The following SORL1 variants were observed in gnomAD, a reference collection of about 807,000 sequenced individuals.
SORL1 encodes sortilin related receptor 1.
SORL1 carries 127 observed loss-of-function variants against 273.7 expected under a neutral mutation model. The ratio of observed to expected loss-of-function variants is 0.46; its 90% CI spans 0.40 to 0.54. The LOEUF is 0.54. SORL1 is among the 20% of genes least tolerant of loss of function. SORL1 has a pLI of 0.00. For missense variants in SORL1, 2,494 were observed against 2,846.1 expected (o/e 0.88, Z 2.81); for synonymous variants, 1,031 against 1,067.4 (o/e 0.97, Z 0.66).
rs181080019 is a variant in SORL1 at position 121,544,157 on chromosome 11, C to T, written c.1864+431C>T. On this transcript the variant is annotated intron_variant, in intron 13 of 47. Transcript: ENST00000260197. Reference sequence around the variant, plus strand: ...GATCTGCTAATCTAGATACAGGATGCATAAGTATGCAGGGAGAAGTGAAAC... The same window carrying T: ...GATCTGCTAATCTAGATACAGGATGTATAAGTATGCAGGGAGAAGTGAAAC... Among the ~76,000 whole-genome samples, 28 of 152,224 alleles carry T rather than the reference C, an allele frequency of 1.8e-4. 1 individual carries two copies. The highest frequency in any genetic ancestry group is 1.6e-3 in the Admixed American group (25 of 15,286).
chr11:121,457,919 A>G (rs1258576127), intron 1 of SORL1, among the ~76,000 whole-genome samples: 2 of 152,266 alleles, frequency 1.3e-5, no homozygotes, highest in African/African-American at 4.8e-5. Context: ...CCTTATAGCA[A>G]CGAACATCCC....
intron 18 of SORL1, 96 bp downstream of exon 18, chr11:121,555,414 G>A: frequency 2.1e-6 from 3 of 1,461,632 alleles, no homozygotes. Context: ...CAGTGTGTCA[G>A]ATTACTCAGG....
intron 6 of SORL1, among the ~76,000 whole-genome samples, chr11:121,507,293 G>A (rs1379913753): frequency 6.6e-6 from 1 of 152,090 alleles, no homozygotes; most frequent in Non-Finnish European, 1.5e-5. Flanking sequence ...GGAATTCATT[G>A]AGCTGACTGG....
At chr11:121,482,357 G>C (rs1050703129) in intron 3 of SORL1, among the ~76,000 whole-genome samples, 1 of 152,174 alleles carries the variant, frequency 6.6e-6, no homozygotes, top group African/African-American at 2.4e-5. Context: ...GATTCTCATG[G>C]GTGGATATTC....
intron 11 of SORL1, among the ~76,000 whole-genome samples, chr11:121,529,447 C>T (rs908594028): frequency 6.6e-5 from 10 of 152,174 alleles, no homozygotes; most frequent in African/African-American, 2.4e-4. Flanking sequence ...GAACTCCTGA[C>T]CTCAAGTGAT....
chr11:121,543,739 C>T lies in SORL1; in HGVS notation c.1864+13C>T. The T allele has an allele frequency of 6.2e-7, 1 of 1,606,096 alleles. No homozygotes were observed. The highest frequency in any genetic ancestry group is 1.3e-5 in the African/African-American group (1 of 74,920). On this transcript the variant is annotated intron_variant, in intron 13 of 47. Transcript: ENST00000260197. Reference sequence around the variant, plus strand: ...ACGGATGCCTTGGGTAAGCTGCTGCCTCCTTGGACCTTTTCACATGGATAT... The same window carrying T: ...ACGGATGCCTTGGGTAAGCTGCTGCTTCCTTGGACCTTTTCACATGGATAT...
At chr11:121,456,964 GT>G (rs1179223236) in intron 1 of SORL1, among the ~76,000 whole-genome samples, 2 of 152,216 alleles carry the variant, frequency 1.3e-5, no homozygotes, top group Non-Finnish European at 2.9e-5. Context: ...AAGTTAGGAT[GT>G]TTGACCTGTG....
intron 1 of SORL1, among the ~76,000 whole-genome samples, chr11:121,468,055 C>G (rs117985786): frequency 7.9e-4 from 121 of 152,324 alleles, no homozygotes; most frequent in Middle Eastern, 3.4e-3. Context: ...ACAGGTGTTT[C>G]TCTTTTCCCT....
chr11:121,520,259 CA>C (rs201535134), intron 8 of SORL1, among the ~76,000 whole-genome samples: 36 of 149,406 alleles, frequency 2.4e-4, no homozygotes, highest in Middle Eastern at 3.4e-3. Flanking sequence ...AGACTGTCTC[CA>C]AAAAAAAAGG....
intron 1 of SORL1, among the ~76,000 whole-genome samples, chr11:121,465,584 G>A (rs1242082397): frequency 6.6e-6 from 1 of 151,836 alleles, no homozygotes; most frequent in East Asian, 1.9e-4. Context: ...CTGGAGTGCA[G>A]TGGCATGATC....
At position 121,617,868 on chromosome 11, in the gene SORL1, G is replaced by A. The variant is rs1469765417; in HGVS notation, c.5605-906G>A. On this transcript the variant is annotated intron_variant, in intron 41 of 47. Transcript: ENST00000260197. Reference sequence around the variant, plus strand: ...TAGAGCAGAGGAAGTGACAGTAACAGTGGCTTCGAACAGTTTATTTCCTCT... The same window carrying A: ...TAGAGCAGAGGAAGTGACAGTAACAATGGCTTCGAACAGTTTATTTCCTCT... 2.0e-5 allele frequency among the ~76,000 whole-genome samples: 3 copies of A among 152,212 alleles called. No individual in the cohort carries two copies. In the East Asian group the frequency reaches 5.8e-4, roughly 29 times the overall value.
chr11:121,605,051 G>A (rs1411114628), intron 33 of SORL1, 62 bp from the exon 34 acceptor site: 25 of 1,497,746 alleles, frequency 1.7e-5, no homozygotes, highest in Middle Eastern at 2.0e-4. Flanking sequence ...GATTACAGGC[G>A]TGAGCCACCA....
rs1211301118 is a variant in SORL1, at chr11:121,464,778, C to T, written c.286-5229C>T. 2.0e-5 allele frequency among the ~76,000 whole-genome samples: 3 copies of T among 152,144 alleles called. No homozygotes were observed. In the East Asian group the frequency reaches 5.8e-4, roughly 29 times the overall value. On this transcript the variant is annotated intron_variant, in intron 1 of 47. Transcript: ENST00000260197. ...GTTTCTCCAGCTGGGGACAGGGAGG[C>T]CTGTGCGGATGCTGTGGCTCTGCAG...
At chr11:121,594,045 A>G (rs1334459404) in intron 31 of SORL1, among the ~76,000 whole-genome samples, 1 of 151,914 alleles carries the variant, frequency 6.6e-6, no homozygotes. Context: ...ATTTTCCTTC[A>G]GAGTTTTGAA....
intron 41 of SORL1, 60 bp downstream of exon 41, chr11:121,615,115 A>G: frequency 1.5e-6 from 2 of 1,350,936 alleles, no homozygotes; most frequent in Non-Finnish European, 2.0e-6. Context: ...ATGCTACGCC[A>G]CCACACAACT....
At chr11:121,613,545 T>C (rs1191714748) in intron 40 of SORL1, among the ~76,000 whole-genome samples, 1 of 152,208 alleles carries the variant, frequency 6.6e-6, no homozygotes, top group African/African-American at 2.4e-5. Context: ...TTGTTACTTT[T>C]TTTTTTTAAC....
intron 25 of SORL1, among the ~76,000 whole-genome samples, chr11:121,578,897 G>A (rs1418915555): frequency 6.6e-6 from 1 of 152,216 alleles, no homozygotes; most frequent in Non-Finnish European, 1.5e-5. Context: ...GCAGAAGGAG[G>A]AAGAACCGAG....
chr11:121,475,267 G>A (rs913204475), intron 2 of SORL1, among the ~76,000 whole-genome samples: 3 of 151,100 alleles, frequency 2.0e-5, no homozygotes, highest in African/African-American at 4.9e-5. Context: ...AGCCTGTCTC[G>A]TCAGAAAAAA....
chr11:121,632,785 C>T lies in SORL1; in HGVS notation c.*3222C>T, dbSNP rs1863892370. The T allele has an allele frequency of 6.6e-6, 1 of 151,992 alleles. No individual in the cohort carries two copies. The highest frequency in any genetic ancestry group is 1.5e-5 in the Non-Finnish European group (1 of 68,016). The allele number at this position is 151,992 out of a possible 1,614,324, so 9.4% of individuals were successfully genotyped here. A position where few individuals can be genotyped will look rare whatever the true frequency, so the allele number is the denominator to read the frequency against. On this transcript the variant is annotated 3_prime_UTR_variant, in exon 48 of 48. Coordinates refer to ENST00000260197, the MANE Select transcript of SORL1 (RefSeq NM_003105.6). The stretch of plus-strand genomic sequence containing the variant: ...ATCTAGTAAGATTATATTTCCAGTA[C>T]ACTTCCTTAGGGCAGAAACACCATC...
Sources: gnomAD v4.1 joint callset for allele counts (sites outside exome capture counted in the v4.1 genomes callset) on GRCh38, gnomAD v4.1.1 for gene constraint, MANE v1.5 for transcripts, NCBI Gene and HGNC (gene_info 2026-07-23, HGNC 2026-07-21) for gene names.